Variants in DLGAP2 observed in about 807,000 individuals in gnomAD.
DLGAP2 encodes the protein disks large-associated protein 2.
Under a neutral mutation model 100.3 loss-of-function variants are expected in DLGAP2, and 26 were observed. The ratio of observed to expected loss-of-function variants is 0.26; its 90% CI spans 0.19 to 0.36. DLGAP2 has a LOEUF of 0.36. DLGAP2 is among the 10% of genes least tolerant of loss of function. The probability of loss-of-function intolerance (pLI) is 1.00; values close to 1 mark genes in which losing one functional copy is unlikely to be tolerated. For missense variants in DLGAP2, 1,858 were observed against 1,453.2 expected, an observed-to-expected ratio of 1.28 and a Z score of -4.53; for synonymous variants, 886 against 630.1, an observed-to-expected ratio of 1.41 and a Z score of -6.08.
At chr8:1,174,340 TACC>T (rs1797204664) in intron 2 of DLGAP2, among the ~76,000 whole-genome samples, 1 of 150,496 alleles carries the variant, frequency 6.6e-6, no homozygotes. Flanking sequence ...TCATTACCAT[TACC>T]ACCATCATTA....
At chr8:1,648,597 C>A (rs1396404414) in intron 8 of DLGAP2, among the ~76,000 whole-genome samples, 1 of 152,118 alleles carries the variant, frequency 6.6e-6, no homozygotes, top group African/African-American at 2.4e-5. Context: ...CCCAGGTCCC[C>A]TTCTGCATGC....
chr8:1,152,405 C>G (rs1796712249), intron 2 of DLGAP2, among the ~76,000 whole-genome samples: 1 of 152,196 alleles, frequency 6.6e-6, no homozygotes, highest in Non-Finnish European at 1.5e-5. Context: ...TGCAATGACA[C>G]TAAGTATTTA....
chr8:1,533,485 G>C (rs367992948), intron 4 of DLGAP2, among the ~76,000 whole-genome samples: 1 of 151,270 alleles, frequency 6.6e-6, no homozygotes, highest in Non-Finnish European at 1.5e-5. Context: ...CAGCCTGGGC[G>C]AAAGAGTGAG....
chr8:1,054,892 T>A (rs1392385364), intron 2 of DLGAP2, among the ~76,000 whole-genome samples: 2 of 152,228 alleles, frequency 1.3e-5, no homozygotes, highest in African/African-American at 4.8e-5. Context: ...TTTGTGTTTG[T>A]TTTATAAAAA....
intron 3 of DLGAP2, among the ~76,000 whole-genome samples, chr8:1,459,581 T>A (rs946836501): frequency 1.3e-5 from 2 of 152,176 alleles, no homozygotes; most frequent in African/African-American, 4.8e-5. Flanking sequence ...TTTATAAAAT[T>A]GATTAATTGC....
intron 3 of DLGAP2, chr8:1,262,281 A>G (rs954367389): frequency 1.3e-5 from 2 of 152,228 alleles, no homozygotes; most frequent in African/African-American, 4.8e-5. Context: ...TAAAATGTAG[A>G]TCATGATCTC....
In DLGAP2 at chr8:1,627,492, G is replaced by A. The variant is rs561433238; in HGVS notation, c.1590+605G>A. 2.1e-3 allele frequency among the ~76,000 whole-genome samples: 319 copies of A among 152,340 alleles called. 2 individuals are homozygous for A. Among genetic ancestry groups the A allele is most frequent in the Non-Finnish European group, 3.6e-3 (246 of 68,026 alleles). ...ACCTGTGGTGGACGGGCCTGAGAAC[G>A]CACAGTGAAAAAATCGGCAAGTGTC... is the stretch of plus-strand genomic sequence containing the variant. On this transcript the variant is annotated intron_variant, in intron 7 of 14. Transcript: ENST00000637795.
intron 2 of DLGAP2, among the ~76,000 whole-genome samples, chr8:909,660 A>G (rs1217652627): frequency 6.6e-6 from 1 of 152,208 alleles, no homozygotes; most frequent in Non-Finnish European, 1.5e-5. Context: ...TTTATAGTAT[A>G]GAATGTTTCA....
intron 3 of DLGAP2, among the ~76,000 whole-genome samples, chr8:1,329,126 A>G (rs1168626695): frequency 2.0e-5 from 3 of 152,258 alleles, no homozygotes; most frequent in Non-Finnish European, 2.9e-5. Flanking sequence ...AGAAGGTGAC[A>G]GATTCAAATG....
At chr8:965,669 ACT>A (rs1799846891) in intron 2 of DLGAP2, among the ~76,000 whole-genome samples, 1 of 88,820 alleles carries the variant, frequency 1.1e-5, no homozygotes, top group African/African-American at 5.0e-5. Flanking sequence ...CTGACCCCGC[ACT>A]GCACACGGCA....
At chr8:1,222,457 G>A (rs1445124531) in intron 2 of DLGAP2, among the ~76,000 whole-genome samples, 1 of 152,178 alleles carries the variant, frequency 6.6e-6, no homozygotes, top group Non-Finnish European at 1.5e-5. Context: ...TGCTGTGCTG[G>A]AGGGGCCAAG....
At chr8:1,547,063 T>G (rs1801566506) in intron 4 of DLGAP2, among the ~76,000 whole-genome samples, 1 of 151,986 alleles carries the variant, frequency 6.6e-6, no homozygotes, top group African/African-American at 2.4e-5. Context: ...AGGGATGCAT[T>G]CCAGGCCTGG....
chr8:1,119,637 AACAGC>A (rs1795990348), intron 2 of DLGAP2, among the ~76,000 whole-genome samples: 1 of 152,210 alleles, frequency 6.6e-6, no homozygotes, highest in Non-Finnish European at 1.5e-5. Context: ...TCCTCATGTG[AACAGC>A]TGAGCTTCAA....
At chr8:880,401 G>A (rs1400845889) in intron 1 of DLGAP2, among the ~76,000 whole-genome samples, 1 of 152,214 alleles carries the variant, frequency 6.6e-6, no homozygotes, top group Admixed American at 6.5e-5. Flanking sequence ...CACACAGAGG[G>A]TTCTGCTATC....
chr8:1,585,952 A>G (rs1196098683), intron 6 of DLGAP2, among the ~76,000 whole-genome samples: 1 of 152,252 alleles, frequency 6.6e-6, no homozygotes, highest in African/African-American at 2.4e-5. Context: ...AAATATACAC[A>G]TATGGGCGTA....
At position 1,383,969 on chromosome 8, in the gene DLGAP2, T is replaced by C. The variant is rs143483219; in HGVS notation, c.107-117397T>C. Among the ~76,000 whole-genome samples, 270 of 152,324 alleles carry C rather than the reference T, an allele frequency of 1.8e-3. 2 individuals are homozygous for C. Among genetic ancestry groups the C allele is most frequent in the Admixed American group, 4.7e-3 (72 of 15,306 alleles). ...TACATTCATGAAGGAGACCCACAAA[T>C]GCATGTCTGGGGTTTTGGTGTCTGT... On this transcript the variant is annotated intron_variant, in intron 3 of 14. Coordinates refer to ENST00000637795, the MANE Select transcript of DLGAP2 (RefSeq NM_001346810.2).
chr8:1,055,470 T>C (rs1266931974), intron 2 of DLGAP2, among the ~76,000 whole-genome samples: 1 of 152,254 alleles, frequency 6.6e-6, no homozygotes, highest in African/African-American at 2.4e-5. Flanking sequence ...TCTGGTTTAC[T>C]GTTAGGATGA....
chr8:798,236 A>G (rs1183644444), intron 1 of DLGAP2, among the ~76,000 whole-genome samples: 119 of 126,320 alleles, frequency 9.4e-4, no homozygotes, highest in Middle Eastern at 5.3e-3. Context: ...GCCTGCTTCC[A>G]TTGGCACTGA....
At chr8:1,230,158 C>T (rs916514153) in intron 2 of DLGAP2, among the ~76,000 whole-genome samples, 3 of 152,166 alleles carry the variant, frequency 2.0e-5, no homozygotes, top group Non-Finnish European at 4.4e-5. Flanking sequence ...AAGAAAATTT[C>T]AGTAAAATTT....
Sources: gnomAD v4.1 joint callset for allele counts (sites outside exome capture counted in the v4.1 genomes callset) on GRCh38, gnomAD v4.1.1 for gene constraint, MANE v1.5 for transcripts, NCBI Gene and HGNC (gene_info 2026-07-23, HGNC 2026-07-21) for gene names.